Variants in CEP57L1 observed in about 807,000 individuals in gnomAD.
The protein encoded by CEP57L1 is centrosomal protein CEP57L1.
A neutral mutation model predicts 61.0 loss-of-function variants in CEP57L1; 37 were observed. The ratio of observed to expected loss-of-function variants is 0.61; its 90% confidence interval spans 0.47 to 0.80. CEP57L1 has a LOEUF of 0.80. CEP57L1 is among the 30% of genes least tolerant of loss of function. The probability of loss-of-function intolerance (pLI) is 0.00; values close to 1 mark genes in which losing one functional copy is unlikely to be tolerated. For missense variants in CEP57L1, 422 were observed against 524.7 expected (o/e 0.80, Z 1.91); for synonymous variants, 137 against 162.3 (o/e 0.84, Z 1.19).
intron 3 of CEP57L1, 113 bp downstream of exon 3, chr6:109,147,050 A>G (rs1376332610): frequency 1.2e-6 from 1 of 809,696 alleles, no homozygotes; most frequent in East Asian, 3.3e-5. Flanking sequence ...ATATATATTC[A>G]AACTTCATGA....
In CEP57L1 at chr6:109,124,648, T is replaced by G. The variant is rs186661635; in HGVS notation, c.-3-20571T>G. 2.6e-5 allele frequency among the ~76,000 whole-genome samples: 4 copies of G among 152,350 alleles called. No individual in the cohort carries two copies. In the East Asian group the frequency reaches 7.7e-4, roughly 29 times the overall value. ...AAATGTGAGATATCATTATTTTTAT[T>G]ATTACCATGCTATTTCTTCTGTCTG... On this transcript the variant is annotated intron_variant, in intron 1 of 10. Coordinates refer to ENST00000517392, the MANE Select transcript of CEP57L1 (RefSeq NM_001271852.3).
intron 1 of CEP57L1, among the ~76,000 whole-genome samples, chr6:109,114,514 A>C (rs1412526412): frequency 6.6e-6 from 1 of 152,188 alleles, no homozygotes; most frequent in Non-Finnish European, 1.5e-5. Context: ...AAAAACAGGA[A>C]ATTTCTTCAT....
intron 1 of CEP57L1, among the ~76,000 whole-genome samples, chr6:109,134,978 G>C (rs1383193904): frequency 6.6e-6 from 1 of 152,172 alleles, no homozygotes; most frequent in African/African-American, 2.4e-5. Flanking sequence ...CGTGAAAATG[G>C]CCATACTGCC....
At chr6:109,153,226 C>A (rs1228311234) in intron 4 of CEP57L1, among the ~76,000 whole-genome samples, 1 of 141,470 alleles carries the variant, frequency 7.1e-6, no homozygotes, top group African/African-American at 2.6e-5. Context: ...CACATCTAAT[C>A]TGCACTTTTT....
At chr6:109,143,253 C>A (rs1771614753) in intron 1 of CEP57L1, among the ~76,000 whole-genome samples, 1 of 152,054 alleles carries the variant, frequency 6.6e-6, no homozygotes, top group African/African-American at 2.4e-5. Context: ...TACTCAGAAT[C>A]ACTCCTCCTT....
At chr6:109,123,804 C>A (rs1350176227) in intron 1 of CEP57L1, among the ~76,000 whole-genome samples, 1 of 151,994 alleles carries the variant, frequency 6.6e-6, no homozygotes, top group African/African-American at 2.4e-5. Flanking sequence ...CATGGTGGTT[C>A]ACACCTGTAA....
At chr6:109,139,830 C>T (rs1477182763) in intron 1 of CEP57L1, among the ~76,000 whole-genome samples, 6 of 151,978 alleles carry the variant, frequency 3.9e-5, no homozygotes, top group Admixed American at 2.0e-4. Flanking sequence ...AGGGGTTTCA[C>T]GATGTTGGCC....
Position 109,174,069 on chromosome 6 carries a change from CA to C in CEP57L1, c.*11100del, listed in dbSNP as rs1490464712. Among the ~76,000 whole-genome samples, 1 of 148,678 alleles carries C rather than the reference CA, an allele frequency of 6.7e-6. No homozygotes were observed. The highest frequency in any genetic ancestry group is 2.5e-5 in the African/African-American group (1 of 39,508). The stretch of plus-strand genomic sequence containing the variant: ...GAGCCGAGATCATGCCATTGCACTC[CA>C]GCCTGAGCCATAGAGTGAGTCTTGG... On this transcript the variant is annotated 3_prime_UTR_variant, in exon 11 of 11. Transcript: ENST00000517392.
In CEP57L1 at chr6:109,143,364, A is replaced by G. The variant is rs566226194; in HGVS notation, c.-3-1855A>G. 2.0e-4 allele frequency among the ~76,000 whole-genome samples: 30 copies of G among 152,288 alleles called. No individual in the cohort carries two copies. The Middle Eastern group carries it at 0.014, about 69-fold the overall frequency. On this transcript the variant is annotated intron_variant, in intron 1 of 10. Transcript: ENST00000517392. ...CTCCCAGGATGCTTCAGTGCTTTAT[A>G]TAAATAAGCTTCCAGTAGGCTTATG...
At position 109,165,000 on chromosome 6, in the gene CEP57L1, C is replaced by T. The variant is rs1774000234; in HGVS notation, c.*2030C>T. On this transcript the variant is annotated 3_prime_UTR_variant, in exon 11 of 11. Coordinates refer to ENST00000517392, the MANE Select transcript of CEP57L1 (RefSeq NM_001271852.3). ...GACTGAGGCAGGGGAATCGCTTGAA[C>T]CTGGGAGATGGAGGTTGCAGTGAGC... 6.6e-6 allele frequency among the ~76,000 whole-genome samples: 1 copy of T among 151,462 alleles called. No homozygotes were observed. The highest frequency in any genetic ancestry group is 2.1e-4 in the South Asian group (1 of 4,802).
intron 1 of CEP57L1, among the ~76,000 whole-genome samples, chr6:109,100,607 A>G (rs1392676303): frequency 6.9e-6 from 1 of 145,354 alleles, no homozygotes; most frequent in Non-Finnish European, 1.5e-5. Context: ...CCCAGGAGGC[A>G]GAGGTTGCAG....
At position 109,116,650 on chromosome 6, in the gene CEP57L1, G is replaced by A. The variant is rs999831357; in HGVS notation, c.-4+21075G>A. Among the ~76,000 whole-genome samples, 3 of 152,184 alleles carry A rather than the reference G, an allele frequency of 2.0e-5. No homozygotes were observed. The Middle Eastern group carries it at 0.01, about 521-fold the overall frequency. ...GTCTAAAGTATAGTATTATTGACTG[G>A]AGAAATAATCTCAAGACATGGTGAG... On this transcript the variant is annotated intron_variant, in intron 1 of 10. Coordinates refer to ENST00000517392, the MANE Select transcript of CEP57L1 (RefSeq NM_001271852.3).
At chr6:109,108,252 T>C (rs559398590) in intron 1 of CEP57L1, among the ~76,000 whole-genome samples, 5 of 151,850 alleles carry the variant, frequency 3.3e-5, no homozygotes, top group African/African-American at 1.2e-4. Flanking sequence ...TTTTTTTTTT[T>C]TTTTTGAGAT....
chr6:109,167,008 G>A lies in CEP57L1; in HGVS notation c.*4038G>A, dbSNP rs1774150914. 6.6e-6 allele frequency among the ~76,000 whole-genome samples: 1 copy of A among 152,176 alleles called. No individual in the cohort carries two copies. Among genetic ancestry groups the A allele is most frequent in the Admixed American group, 6.5e-5 (1 of 15,278 alleles). Reference sequence around the variant, plus strand: ...CACTAAGGCATAATAGCAACTGTGAGATTTTTAAAAAACTATGCGTGCCAT... The same window carrying A: ...CACTAAGGCATAATAGCAACTGTGAAATTTTTAAAAAACTATGCGTGCCAT... On this transcript the variant is annotated 3_prime_UTR_variant, in exon 11 of 11. Coordinates refer to ENST00000517392, the MANE Select transcript of CEP57L1 (RefSeq NM_001271852.3).
intron 3 of CEP57L1, among the ~76,000 whole-genome samples, chr6:109,149,212 G>A (rs1399142892): frequency 6.6e-6 from 1 of 152,146 alleles, no homozygotes; most frequent in Admixed American, 6.5e-5. Flanking sequence ...TGTCCTGAAT[G>A]GTAATGCCTA....
At chr6:109,129,223 C>T in intron 1 of CEP57L1, 1 of 469,590 alleles carries the variant, frequency 2.1e-6, no homozygotes, top group Non-Finnish European at 3.0e-6. Flanking sequence ...AAAAAACTAA[C>T]TGGAAACTCC....
intron 1 of CEP57L1, among the ~76,000 whole-genome samples, chr6:109,097,779 A>T (rs1189839091): frequency 1.3e-5 from 2 of 152,214 alleles, no homozygotes; most frequent in Non-Finnish European, 2.9e-5. Flanking sequence ...CTTTTAAATA[A>T]GGTTGTTAGA....
At chr6:109,156,589 G>T (rs1773241553) in intron 7 of CEP57L1, 1 of 151,956 alleles carries the variant, frequency 6.6e-6, no homozygotes, top group Non-Finnish European at 1.5e-5. Flanking sequence ...TATGATTGTG[G>T]AATTATGGTT....
rs76028816 is a variant in CEP57L1 at position 109,107,466 on chromosome 6, T to C, written c.-4+11891T>C. Among the ~76,000 whole-genome samples the C allele has an allele frequency of 8.3e-3, 1,261 of 152,324 alleles. 24 individuals are homozygous for C. Among genetic ancestry groups the C allele is most frequent in the African/African-American group, 0.029 (1,210 of 41,566 alleles). On this transcript the variant is annotated intron_variant, in intron 1 of 10. Coordinates refer to ENST00000517392, the MANE Select transcript of CEP57L1 (RefSeq NM_001271852.3). ...TAGTCTTTCTAAAGCCTGAAAAACA[T>C]GCGTTTCAGATACCTGTTAAATAAT...
Sources: allele counts gnomAD v4.1 joint callset (sites outside exome capture counted in the v4.1 genomes callset), GRCh38; gene constraint gnomAD v4.1.1; transcripts MANE v1.5; gene names NCBI Gene and HGNC (gene_info 2026-07-23, HGNC 2026-07-21).